Variants in IMMP1L observed in about 807,000 individuals in gnomAD.
IMMP1L encodes the protein inner mitochondrial membrane peptidase subunit 1.
In IMMP1L, 24 loss-of-function variants were observed where a neutral mutation model predicts 21.8. The observed-to-expected ratio is 1.10, with a 90% CI of 0.80 to 1.55. The LOEUF (loss-of-function observed/expected upper bound fraction) is 1.55, where lower values mean the gene tolerates loss of function less well. IMMP1L is among the 40% of genes most tolerant of loss of function. The pLI is 0.00. For synonymous variants in IMMP1L, 46 were observed against 62.8 expected (o/e 0.73, Z 1.26); for missense variants, 195 against 200.7 (o/e 0.97, Z 0.17).
rs762365367 is a variant in IMMP1L at position 31,433,527 on chromosome 11, T to C, written c.365A>G (p.Asn122Ser). The C allele has an allele frequency of 1.2e-6, 2 of 1,612,166 alleles. No individual in the cohort carries two copies. The highest frequency in any genetic ancestry group is 8.5e-7 in the Non-Finnish European group (1 of 1,178,978). Reference protein sequence around the residue: ...HVWLEGDNLQNSTDSRCYGPI... With the variant: ...HVWLEGDNLQSSTDSRCYGPI... ...TCCATAGCACCTGGAATCTGTAGAA[T>C]TCTGTAGATTGTCACCTTCTAACCA... The change falls in exon 5 of 6, where the codon AAT becomes AGT. Residue 122 changes from asparagine (N) to serine (S), a missense_variant. Transcript: ENST00000532287.
intron 1 of IMMP1L, among the ~76,000 whole-genome samples, chr11:31,470,393 A>G (rs1018886283): frequency 1.3e-5 from 2 of 152,048 alleles, no homozygotes; most frequent in Admixed American, 6.6e-5. Flanking sequence ...AGCCTGGGCA[A>G]TAAGAGCAAA....
intron 2 of IMMP1L, among the ~76,000 whole-genome samples, chr11:31,462,915 C>A (rs573661582): frequency 3.0e-4 from 46 of 152,244 alleles, no homozygotes; most frequent in African/African-American, 1.0e-3. Flanking sequence ...TATTGTTATA[C>A]TATTCAAAAG....
At chr11:31,474,679 T>C (rs913894531) in intron 1 of IMMP1L, among the ~76,000 whole-genome samples, 1 of 152,138 alleles carries the variant, frequency 6.6e-6, no homozygotes, top group African/African-American at 2.4e-5. Context: ...AGCAAGACCC[T>C]GTCTCAAAAA....
intron 1 of IMMP1L, among the ~76,000 whole-genome samples, chr11:31,471,986 C>G (rs890127056): frequency 6.6e-6 from 1 of 152,140 alleles, no homozygotes; most frequent in African/African-American, 2.4e-5. Flanking sequence ...TTACTCATAG[C>G]CCCTTTGTTC....
intron 4 of IMMP1L, among the ~76,000 whole-genome samples, chr11:31,440,496 T>G (rs915178171): frequency 2.0e-5 from 3 of 152,174 alleles, no homozygotes; most frequent in African/African-American, 7.2e-5. Context: ...GCTCAAGCGA[T>G]TCTCCTGCCT....
At chr11:31,443,409 G>T (rs1044298694) in intron 4 of IMMP1L, among the ~76,000 whole-genome samples, 19 of 152,116 alleles carry the variant, frequency 1.2e-4, no homozygotes, top group Non-Finnish European at 2.1e-4. Flanking sequence ...AGAACACAAA[G>T]GTGAGAAAAC....
chr11:31,459,941 G>T (rs544705497), intron 3 of IMMP1L, among the ~76,000 whole-genome samples: 2 of 151,848 alleles, frequency 1.3e-5, no homozygotes, highest in East Asian at 3.9e-4. Context: ...CGGATTGCTT[G>T]AGCTCAGGAG....
At chr11:31,500,751 T>G (rs1463170300) in intron 1 of IMMP1L, among the ~76,000 whole-genome samples, 1 of 151,386 alleles carries the variant, frequency 6.6e-6, no homozygotes, top group African/African-American at 2.4e-5. Context: ...GGCCCATGAG[T>G]CAAATTCAGC....
chr11:31,481,315 A>C (rs771229479), intron 1 of IMMP1L, among the ~76,000 whole-genome samples: 1 of 152,116 alleles, frequency 6.6e-6, no homozygotes, highest in Admixed American at 6.6e-5. Context: ...CTCTTATCTG[A>C]ATTTCAGTTT....
intron 4 of IMMP1L, among the ~76,000 whole-genome samples, chr11:31,434,557 T>A (rs1212540327): frequency 6.6e-6 from 1 of 152,166 alleles, no homozygotes; most frequent in Non-Finnish European, 1.5e-5. Flanking sequence ...AAACCTTTTA[T>A]GAAGAAAAAT....
At chr11:31,484,219 T>C (rs998112219) in intron 1 of IMMP1L, among the ~76,000 whole-genome samples, 2 of 151,934 alleles carry the variant, frequency 1.3e-5, no homozygotes, top group Non-Finnish European at 2.9e-5. Flanking sequence ...AAAAGATATA[T>C]ACAGTAAAAG....
intron 1 of IMMP1L, among the ~76,000 whole-genome samples, chr11:31,469,457 C>G (rs907919865): frequency 5.9e-5 from 9 of 151,922 alleles, no homozygotes; most frequent in Non-Finnish European, 1.3e-4. Context: ...TAAAATATAA[C>G]TAAAATTAAT....
chr11:31,477,601 G>A (rs1020933267), intron 1 of IMMP1L: 1 of 955,858 alleles, frequency 1.0e-6, no homozygotes, highest in African/African-American at 1.8e-5. Context: ...GAAAGGATTA[G>A]TTCTCAGTTG....
At chr11:31,478,090 G>A (rs543113804) in intron 1 of IMMP1L, among the ~76,000 whole-genome samples, 185 of 152,292 alleles carry the variant, frequency 1.2e-3, no homozygotes, top group African/African-American at 4.4e-3. Flanking sequence ...TTCTGACCCA[G>A]AGGCATTCAT....
At chr11:31,486,366 T>A (rs554668410) in intron 1 of IMMP1L, among the ~76,000 whole-genome samples, 1 of 151,952 alleles carries the variant, frequency 6.6e-6, no homozygotes, top group African/African-American at 2.4e-5. Context: ...AGGCATGATA[T>A]GTTACTAAAT....
rs551719889 is a variant in IMMP1L, at chr11:31,476,166, C to T, written c.-29-12861G>A. Among the ~76,000 whole-genome samples, 451 of 152,080 alleles carry T rather than the reference C, an allele frequency of 3.0e-3. 2 individuals carry two copies. The highest frequency in any genetic ancestry group is 1.0e-2 in the African/African-American group (415 of 41,534). On this transcript the variant is annotated intron_variant, in intron 1 of 5. Transcript: ENST00000532287. ...AAAAAGATTTTAGTCCACTTATTTA[C>T]TTCATGGATAGCTTTTTTCATCATA...
intron 2 of IMMP1L, 64 bp from the exon 3 acceptor site, chr11:31,460,778 T>A: frequency 9.0e-7 from 1 of 1,111,568 alleles, no homozygotes; most frequent in Non-Finnish European, 1.3e-6. Context: ...ATAAATCTTT[T>A]AAGCAAGCTT....
At chr11:31,435,052 T>G (rs1282739364) in intron 4 of IMMP1L, among the ~76,000 whole-genome samples, 1 of 152,228 alleles carries the variant, frequency 6.6e-6, no homozygotes, top group African/African-American at 2.4e-5. Flanking sequence ...ACATCTTTCG[T>G]GTCTAAATTT....
chr11:31,451,402 A>C (rs1414292619), intron 4 of IMMP1L, among the ~76,000 whole-genome samples: 1 of 152,186 alleles, frequency 6.6e-6, no homozygotes, highest in African/African-American at 2.4e-5. Flanking sequence ...TTTATCTTGC[A>C]AACTAATGGA....
Sources: gnomAD v4.1 joint callset for allele counts (sites outside exome capture counted in the v4.1 genomes callset) on GRCh38, gnomAD v4.1.1 for gene constraint, MANE v1.5 for transcripts, NCBI Gene and HGNC (gene_info 2026-07-23, HGNC 2026-07-21) for gene names.